Variants in CDA observed in about 807,000 individuals in gnomAD.
CDA encodes the protein cytidine aminohydrolase.
Under a neutral mutation model 15.0 loss-of-function variants are expected in CDA, and 7 were observed. The ratio of observed to expected loss-of-function variants is 0.47; its 90% CI spans 0.26 to 0.87. The LOEUF (loss-of-function observed/expected upper bound fraction) is 0.87. CDA is among the 40% of genes least tolerant of loss of function. The probability of loss-of-function intolerance (pLI) is 0.15; values close to 1 mark genes in which losing one functional copy is unlikely to be tolerated. For synonymous variants in CDA, 58 were observed against 73.0 expected (o/e 0.79, Z 1.05); for missense variants, 159 against 182.7 (o/e 0.87, Z 0.75).
intron 2 of CDA, among the ~76,000 whole-genome samples, chr1:20,605,456 G>A (rs1415083436): frequency 6.7e-6 from 1 of 149,722 alleles, no homozygotes; most frequent in Admixed American, 6.7e-5. Flanking sequence ...TCAGGAGATC[G>A]AAACCATCCT....
At chr1:20,613,002 C>A (rs1329737568) in intron 2 of CDA, among the ~76,000 whole-genome samples, 3 of 150,554 alleles carry the variant, frequency 2.0e-5, no homozygotes, top group Non-Finnish European at 4.4e-5. Flanking sequence ...GTGCGTGACA[C>A]CAGGCTGCTC....
At chr1:20,589,438 G>A (rs1180361722) in intron 1 of CDA, among the ~76,000 whole-genome samples, 155 bp downstream of exon 1, 3 of 152,150 alleles carry the variant, frequency 2.0e-5, no homozygotes, top group Admixed American at 6.5e-5. Flanking sequence ...CTACCCTGCC[G>A]ACTGCCCCAG....
At position 20,605,035 on chromosome 1, in the gene CDA, G is replaced by A. The variant is rs150100090; in HGVS notation, c.262G>A (p.Ala88Thr). 4.4e-6 allele frequency: 7 copies of A among 1,599,588 alleles called. No homozygotes were observed. The highest frequency in any genetic ancestry group is 2.7e-5 in the African/African-American group (2 of 74,626). The change falls in exon 2 of 4, where the codon GCC (alanine) becomes ACC (threonine). Residue 88 changes from alanine to threonine, a missense_variant. Ala to Thr is a moderately conservative substitution (Grantham distance 58). Transcript: ENST00000375071. ...CAAGGATTTCAGGGCAATTGCTATC[G>A]CCAGGTGAGTGGGAAAGCCAGGTTG... ...GYKDFRAIAIASDMQDDFISP... is the reference protein window; with the variant it reads ...GYKDFRAIAITSDMQDDFISP...
intron 1 of CDA, among the ~76,000 whole-genome samples, chr1:20,591,929 C>T (rs1356556608): frequency 6.6e-6 from 1 of 151,436 alleles, no homozygotes; most frequent in Non-Finnish European, 1.5e-5. Context: ...CTGCAATCTC[C>T]GACGCCCAGG....
rs1388709681 is a variant in CDA, at chr1:20,600,748, T to C, written c.155-4180T>C. On this transcript the variant is annotated intron_variant, in intron 1 of 3. Coordinates refer to ENST00000375071, the MANE Select transcript of CDA (RefSeq NM_001785.3). Reference sequence around the variant, plus strand: ...CAACCTGCATGACAGAGTGAGACTCTGTCTCAAAAAAAAAAAAAAAAGAAA... The same window carrying C: ...CAACCTGCATGACAGAGTGAGACTCCGTCTCAAAAAAAAAAAAAAAAGAAA... 8.5e-5 allele frequency among the ~76,000 whole-genome samples: 8 copies of C among 94,602 alleles called. No individual in the cohort carries two copies. In the East Asian group the frequency reaches 1.8e-3, roughly 22 times the overall value. The allele number at this position is 94,602 out of a possible 152,430, so 62.1% of individuals were successfully genotyped here. A position where few individuals can be genotyped will look rare whatever the true frequency, so the allele number is the denominator to read the frequency against.
intron 2 of CDA, among the ~76,000 whole-genome samples, chr1:20,607,961 C>T (rs1435873304): frequency 3.3e-5 from 5 of 152,142 alleles, no homozygotes; most frequent in African/African-American, 1.2e-4. Context: ...CCCACTGGGT[C>T]CCAGCTGTAG....
chr1:20,615,706 G>T (rs113482024), intron 3 of CDA, among the ~76,000 whole-genome samples: 1 of 151,608 alleles, frequency 6.6e-6, no homozygotes, highest in Non-Finnish European at 1.5e-5. Flanking sequence ...AGAGCCCCTC[G>T]AAATACGGCA....
At chr1:20,615,197 T>A (rs1427639507) in intron 3 of CDA, among the ~76,000 whole-genome samples, 1 of 152,076 alleles carries the variant, frequency 6.6e-6, no homozygotes, top group Non-Finnish European at 1.5e-5. Context: ...ATGGCAAATC[T>A]TACATTATAT....
chr1:20,607,463 G>GA (rs1196431793), intron 2 of CDA, among the ~76,000 whole-genome samples: 1 of 151,202 alleles, frequency 6.6e-6, no homozygotes, highest in Non-Finnish European at 1.5e-5. Context: ...TGCACTTTAT[G>GA]AAAAAAAAGA....
intron 3 of CDA, among the ~76,000 whole-genome samples, chr1:20,617,737 A>C (rs12127536): frequency 0.33 from 49,975 of 149,498 alleles, 8,514 homozygotes; most frequent in African/African-American, 0.39. Context: ...CTCTATGGCC[A>C]AGGCTGGACT....
chr1:20,610,717 G>A (rs2052741929), intron 2 of CDA, among the ~76,000 whole-genome samples: 1 of 152,162 alleles, frequency 6.6e-6, no homozygotes, highest in South Asian at 2.1e-4. Flanking sequence ...ACATACGTAA[G>A]GAAATAAATG....
At chr1:20,612,490 C>T (rs1275226596) in intron 2 of CDA, among the ~76,000 whole-genome samples, 1 of 151,968 alleles carries the variant, frequency 6.6e-6, no homozygotes, top group Admixed American at 6.6e-5. Context: ...GTCTCCCCAC[C>T]CTGCACCGTG....
chr1:20,604,961 GCAT>G lies in CDA; in HGVS notation c.190_192del (p.Ile64del). The G allele has an allele frequency of 1.2e-6, 2 of 1,613,762 alleles. No individual in the cohort carries two copies. The highest frequency in any genetic ancestry group is 1.7e-6 in the Non-Finnish European group (2 of 1,179,816). ...ATAGAAAATGCCTGCTACCCGCTGGGCATCTGTGCTGAACGGACCGCTATCCAG... is the reference window on the plus strand; with the variant it reads ...ATAGAAAATGCCTGCTACCCGCTGGGCTGTGCTGAACGGACCGCTATCCAG... On this transcript the variant is annotated inframe_deletion, in exon 2 of 4. Transcript: ENST00000375071.
intron 1 of CDA, among the ~76,000 whole-genome samples, chr1:20,595,792 A>T (rs773330612): frequency 8.8e-5 from 13 of 147,246 alleles, no homozygotes; most frequent in Non-Finnish European, 1.9e-4. Flanking sequence ...ATGAGCCGTG[A>T]GCACGCCACT....
intron 1 of CDA, among the ~76,000 whole-genome samples, chr1:20,591,029 G>A (rs1242077883): frequency 6.6e-6 from 1 of 152,146 alleles, no homozygotes; most frequent in African/African-American, 2.4e-5. Flanking sequence ...CAGAATGCTT[G>A]GGTCCTTTCT....
intron 1 of CDA, among the ~76,000 whole-genome samples, chr1:20,599,155 G>A (rs1436572222): frequency 6.6e-6 from 1 of 152,282 alleles, no homozygotes; most frequent in East Asian, 1.9e-4. Context: ...GAGAGTTCCA[G>A]GCAATGGGAA....
chr1:20,612,223 A>G lies in CDA; in HGVS notation c.267-1619A>G, dbSNP rs139673348. ...GAGAAACCCAGGGCTTCCGAATAGC[A>G]TCTCTGCCTCTTCATCACACTGAAC... On this transcript the variant is annotated intron_variant, in intron 2 of 3. Coordinates refer to ENST00000375071, the MANE Select transcript of CDA (RefSeq NM_001785.3). 2.7e-3 allele frequency among the ~76,000 whole-genome samples: 411 copies of G among 151,846 alleles called. 3 individuals are homozygous for G. Among genetic ancestry groups the G allele is most frequent in the African/African-American group, 9.5e-3 (393 of 41,418 alleles).
At chr1:20,593,728 C>T (rs1330088740) in intron 1 of CDA, among the ~76,000 whole-genome samples, 1 of 152,208 alleles carries the variant, frequency 6.6e-6, no homozygotes, top group Non-Finnish European at 1.5e-5. Context: ...GTATGTACCA[C>T]CATGCCCAGC....
intron 1 of CDA, among the ~76,000 whole-genome samples, chr1:20,600,706 A>G (rs2154532252): frequency 6.8e-6 from 1 of 146,456 alleles, no homozygotes; most frequent in East Asian, 2.0e-4. Flanking sequence ...GTGAGCTGAG[A>G]TTGTGCCACT....
Sources: allele counts gnomAD v4.1 joint callset (sites outside exome capture counted in the v4.1 genomes callset), GRCh38; gene constraint gnomAD v4.1.1; transcripts MANE v1.5; gene names NCBI Gene and HGNC (gene_info 2026-07-23, HGNC 2026-07-21).